Variants in DPYSL2 observed in about 807,000 individuals in gnomAD.
DPYSL2 encodes dihydropyrimidinase-related protein 2.
A neutral mutation model predicts 69.9 loss-of-function variants in DPYSL2; 13 were observed. The observed-to-expected ratio is 0.19, with a 90% CI of 0.12 to 0.30. The LOEUF (loss-of-function observed/expected upper bound fraction) is 0.30. Ranked by LOEUF, DPYSL2 falls within the 10% of genes least tolerant of loss-of-function variation. DPYSL2 has a pLI of 1.00. For missense variants in DPYSL2, 587 were observed against 918.9 expected, an observed-to-expected ratio of 0.64 and a Z score of 4.67; for synonymous variants, 326 against 359.1, an observed-to-expected ratio of 0.91 and a Z score of 1.04.
At position 26,544,466 on chromosome 8, in the gene DPYSL2, T is replaced by C. The variant is rs542741838; in HGVS notation, c.354+29787T>C. On this transcript the variant is annotated intron_variant, in intron 1 of 13. Transcript: ENST00000521913. The stretch of plus-strand genomic sequence containing the variant: ...TATTACCACTACGTTTAATATACTT[T>C]GTGCACTTCTAAACACCTGGACAGA... Among the ~76,000 whole-genome samples, 138 of 152,364 alleles carry C rather than the reference T, an allele frequency of 9.1e-4. 1 individual carries two copies. The highest frequency in any genetic ancestry group is 3.2e-3 in the African/African-American group (133 of 41,594).
In DPYSL2 at chr8:26,644,782, G is replaced by A. The variant is rs1285315730; in HGVS notation, c.1425+691G>A. ...TCAATTTCCTTAAAAGTGTCTTTTA[G>A]GGCTCTCTGGACTTAGCATGTCTTC... On this transcript the variant is annotated intron_variant, in intron 10 of 13. Coordinates refer to ENST00000521913, the MANE Select transcript of DPYSL2 (RefSeq NM_001197293.3). This position sits in a 1 kb window ranked among gnomAD's most constrained non-coding sequence, Gnocchi z 4.5. Among the ~76,000 whole-genome samples, 1 of 152,056 alleles carries A rather than the reference G, an allele frequency of 6.6e-6. No homozygotes were observed. The highest frequency in any genetic ancestry group is 1.5e-5 in the Non-Finnish European group (1 of 68,000).
chr8:26,531,849 G>A (rs2072425298), intron 1 of DPYSL2, among the ~76,000 whole-genome samples: 1 of 152,092 alleles, frequency 6.6e-6, no homozygotes, highest in African/African-American at 2.4e-5. Context: ...GGGCTTAGGT[G>A]CCGGTCTTGG....
intron 1 of DPYSL2, among the ~76,000 whole-genome samples, chr8:26,546,657 C>T (rs1041352046): frequency 4.6e-5 from 7 of 151,948 alleles, no homozygotes; most frequent in South Asian, 4.2e-4. Context: ...TGGTGGCTCA[C>T]GCCTGTAATC....
chr8:26,559,980 A>G (rs1278749143), intron 1 of DPYSL2, among the ~76,000 whole-genome samples: 4 of 152,212 alleles, frequency 2.6e-5, no homozygotes, highest in Non-Finnish European at 4.4e-5. Flanking sequence ...CCACGTTCCC[A>G]TCTCATTATG....
At chr8:26,623,695 G>A (rs181440578) in intron 3 of DPYSL2, among the ~76,000 whole-genome samples, 28 of 152,080 alleles carry the variant, frequency 1.8e-4, no homozygotes, top group African/African-American at 2.7e-4. Context: ...GGTAATGCCC[G>A]GGAACTTTTG....
chr8:26,588,226 G>A lies in DPYSL2; in HGVS notation c.628+4243G>A, dbSNP rs915798586. 2.6e-5 allele frequency among the ~76,000 whole-genome samples: 4 copies of A among 152,204 alleles called. No individual in the cohort carries two copies. The highest frequency in any genetic ancestry group is 4.1e-4 in the South Asian group (2 of 4,830). On this transcript the variant is annotated intron_variant, in intron 3 of 13. Coordinates refer to ENST00000521913, the MANE Select transcript of DPYSL2 (RefSeq NM_001197293.3). This position sits in a 1 kb window ranked among gnomAD's most constrained non-coding sequence, Gnocchi z 5.4. ...GGCCGGAGAAACAGGCTGAGCTGCC[G>A]TAGGGCTTGACCTGAGTATTCACTG...
chr8:26,536,355 G>A (rs985592616), intron 1 of DPYSL2, among the ~76,000 whole-genome samples: 9 of 151,786 alleles, frequency 5.9e-5, no homozygotes, highest in African/African-American at 2.2e-4. Context: ...CACTGTGTTT[G>A]GCTCATAATG....
rs1361631817 is a variant in DPYSL2, at chr8:26,571,709, T to C, written c.355-10260T>C. On this transcript the variant is annotated intron_variant, in intron 1 of 13. Coordinates refer to ENST00000521913, the MANE Select transcript of DPYSL2 (RefSeq NM_001197293.3). This position sits in a 1 kb window ranked among gnomAD's most constrained non-coding sequence, Gnocchi z 6.1. ...CCTCAGAATCCTAGCAGAGCCCCCA[T>C]GCTGGCCGGCAGTCTGTACAGTTCT... is the stretch of plus-strand genomic sequence containing the variant. Among the ~76,000 whole-genome samples, 3 of 152,172 alleles carry C rather than the reference T, an allele frequency of 2.0e-5. No individual in the cohort carries two copies. Among genetic ancestry groups the C allele is most frequent in the Non-Finnish European group, 4.4e-5 (3 of 68,024 alleles).
At chr8:26,607,455 C>A (rs1802131033) in intron 3 of DPYSL2, among the ~76,000 whole-genome samples, 1 of 145,974 alleles carries the variant, frequency 6.9e-6, no homozygotes, top group Non-Finnish European at 1.5e-5. Context: ...TGCACTGTAG[C>A]CTGGGCAACA....
intron 1 of DPYSL2, among the ~76,000 whole-genome samples, chr8:26,535,974 T>C (rs2117617315): frequency 6.6e-6 from 1 of 150,732 alleles, no homozygotes; most frequent in South Asian, 2.1e-4. Flanking sequence ...CAGGCTGGAG[T>C]GCAGTGGTGT....
intron 1 of DPYSL2, among the ~76,000 whole-genome samples, chr8:26,557,296 A>G (rs552049892): frequency 6.6e-6 from 1 of 152,208 alleles, no homozygotes; most frequent in Admixed American, 6.5e-5. Context: ...CAAAAGACAC[A>G]CATATGGTAA....
chr8:26,643,852 G>A lies in DPYSL2; in HGVS notation c.1284-98G>A. On this transcript the variant is annotated intron_variant, in intron 9 of 13. Transcript: ENST00000521913. This position sits in a 1 kb window ranked among gnomAD's most constrained non-coding sequence, Gnocchi z 6.5. Reference sequence around the variant, plus strand: ...GAGGCGTCAAAAGGACTCCACTTGGGTTGGTGTGATGCCATTCATGAGACA... The same window carrying A: ...GAGGCGTCAAAAGGACTCCACTTGGATTGGTGTGATGCCATTCATGAGACA... The A allele has an allele frequency of 1.4e-6, 2 of 1,471,200 alleles. No individual in the cohort carries two copies. Among genetic ancestry groups the A allele is most frequent in the Middle Eastern group, 1.9e-4 (1 of 5,348 alleles). 91.1% of individuals were successfully genotyped at this position (1,471,200 alleles called of 1,614,324 possible). A position where few individuals can be genotyped will look rare whatever the true frequency, so the allele number is the denominator to read the frequency against.
chr8:26,527,927 T>C (rs767003341), intron 1 of DPYSL2, among the ~76,000 whole-genome samples: 12 of 151,598 alleles, frequency 7.9e-5, no homozygotes, highest in Non-Finnish European at 1.5e-4. Context: ...CTCAGACTCC[T>C]GAGTAGCTGG....
chr8:26,543,768 T>G (rs1265766000), intron 1 of DPYSL2, among the ~76,000 whole-genome samples: 1 of 152,238 alleles, frequency 6.6e-6, no homozygotes, highest in African/African-American at 2.4e-5. Flanking sequence ...ATTACAGGCG[T>G]GAGCCACCGC....
At position 26,593,291 on chromosome 8, in the gene DPYSL2, C is replaced by T. The variant is rs1031605963; in HGVS notation, c.628+9308C>T. ...TCCCCTGGGGAGTTGTAACAAAATG[C>T]AGAGACCAGACCTTCTGACTTAATT... is the stretch of plus-strand genomic sequence containing the variant. On this transcript the variant is annotated intron_variant, in intron 3 of 13. Transcript: ENST00000521913. The surrounding 1 kb of genome is among the most constrained non-coding windows in gnomAD (Gnocchi z 5.7). 5.9e-5 allele frequency among the ~76,000 whole-genome samples: 9 copies of T among 152,096 alleles called. No individual in the cohort carries two copies. The highest frequency in any genetic ancestry group is 1.9e-4 in the African/African-American group (8 of 41,408).
intron 1 of DPYSL2, among the ~76,000 whole-genome samples, chr8:26,579,143 C>T (rs1801427211): frequency 3.3e-5 from 5 of 152,238 alleles, no homozygotes; most frequent in Admixed American, 3.3e-4. Flanking sequence ...CGCTGCGCGA[C>T]GCGGGAGCAG....
At chr8:26,557,623 C>CGAA (rs1801010036) in intron 1 of DPYSL2, among the ~76,000 whole-genome samples, 1 of 74,320 alleles carries the variant, frequency 1.3e-5, no homozygotes, top group Non-Finnish European at 2.3e-5. Context: ...ACTAAAAATA[C>CGAA]AAAAAAAAAA....
Position 26,514,558 on chromosome 8 carries a change from C to T in DPYSL2, c.233C>T (p.Pro78Leu). 2 of 1,526,302 alleles carry T rather than the reference C, an allele frequency of 1.3e-6. No homozygotes were observed. Among genetic ancestry groups the T allele is most frequent in the African/African-American group, 1.4e-5 (1 of 72,458 alleles). 94.5% of individuals were successfully genotyped at this position (1,526,302 alleles called of 1,614,324 possible). A position where few individuals can be genotyped will look rare whatever the true frequency, so the allele number is the denominator to read the frequency against. The change falls in exon 1 of 14, where the codon CCG (proline) becomes CTG (leucine). Residue 78 changes from proline (P) to leucine (L), a missense_variant. Around this residue, in one of 3 missense-constraint regions of DPYSL2, gnomAD observed 85 missense variants for 77.7 expected, o/e 1.09. Transcript: ENST00000521913. This position sits in a 1 kb window ranked among gnomAD's most constrained non-coding sequence, Gnocchi z 8.4. The stretch of plus-strand genomic sequence containing the variant: ...GACGTCGCCCACTTGGGCCCGGACC[C>T]GCAGCCGCCGTACTCGCGGCAGGGC... ...QRDVAHLGPD[P>L]QPPYSRQGRR... is the part of the protein sequence containing the mutation.
intron 1 of DPYSL2, among the ~76,000 whole-genome samples, chr8:26,567,102 A>ATCCG (rs1374149799): frequency 2.7e-5 from 4 of 150,922 alleles, no homozygotes; most frequent in African/African-American, 9.8e-5. Flanking sequence ...CCATCCATCC[A>ATCCG]TCCACCCATC....
Sources: allele counts gnomAD v4.1 joint callset (sites outside exome capture counted in the v4.1 genomes callset), GRCh38; gene constraint gnomAD v4.1.1; regional missense constraint gnomAD v4.1.1; non-coding constraint Gnocchi (gnomAD v3.1); transcripts MANE v1.5; gene names NCBI Gene and HGNC (gene_info 2026-07-23, HGNC 2026-07-21).